Variants in POFUT3 observed in about 807,000 individuals in gnomAD.
POFUT3 encodes protein O-fucosyltransferase 3.
chr8:33,331,325 ACT>A, the POFUT3 span, among the ~76,000 whole-genome samples: 1 of 150,728 alleles, frequency 6.6e-6, no homozygotes, highest in African/African-American at 2.5e-5. Flanking sequence ...CAAGTGTGAA[ACT>A]CTGTCTCAAA....
At chr8:33,425,335 T>TA in the POFUT3 span, among the ~76,000 whole-genome samples, 1 of 151,952 alleles carries the variant, frequency 6.6e-6, no homozygotes, top group Non-Finnish European at 1.5e-5. Context: ...CCCTTTCTCT[T>TA]AAAAAAATAA....
the POFUT3 span, among the ~76,000 whole-genome samples, chr8:33,354,859 G>A: frequency 6.6e-6 from 1 of 152,102 alleles, no homozygotes; most frequent in African/African-American, 2.4e-5. Flanking sequence ...AGGGCATGGG[G>A]GATGACATCA....
At chr8:33,381,063 G>A in the POFUT3 span, among the ~76,000 whole-genome samples, 1 of 152,058 alleles carries the variant, frequency 6.6e-6, no homozygotes, top group Non-Finnish European at 1.5e-5. Flanking sequence ...CTTGAGCCCA[G>A]GAAGTGGAAG....
the POFUT3 span, among the ~76,000 whole-genome samples, chr8:33,412,090 AAATAAC>A: frequency 2.0e-5 from 3 of 152,234 alleles, no homozygotes; most frequent in African/African-American, 7.2e-5. Context: ...AACACTGATT[AAATAAC>A]AAGGCTGTGT....
the POFUT3 span, among the ~76,000 whole-genome samples, chr8:33,424,600 C>T: frequency 1.3e-5 from 2 of 152,198 alleles, no homozygotes; most frequent in Non-Finnish European, 2.9e-5. Flanking sequence ...GGACTGTGTA[C>T]CACTCACAGC....
At chr8:33,465,698 C>T in the POFUT3 span, among the ~76,000 whole-genome samples, 3 of 152,128 alleles carry the variant, frequency 2.0e-5, no homozygotes, top group East Asian at 5.8e-4. Flanking sequence ...CCTGAATTAT[C>T]TTGAACACCT....
chr8:33,325,807 G>T, the POFUT3 span, among the ~76,000 whole-genome samples: 1 of 152,160 alleles, frequency 6.6e-6, no homozygotes, highest in Admixed American at 6.5e-5. Flanking sequence ...GTCTATTGTG[G>T]CTTCCAGTTA....
At chr8:33,328,314 A>G in the POFUT3 span, among the ~76,000 whole-genome samples, 1 of 152,164 alleles carries the variant, frequency 6.6e-6, no homozygotes, top group East Asian at 1.9e-4. Context: ...GGAGTGGTTG[A>G]AACCTGAGAT....
the POFUT3 span, among the ~76,000 whole-genome samples, chr8:33,417,068 C>T: frequency 4.6e-5 from 7 of 152,084 alleles, no homozygotes; most frequent in Admixed American, 2.0e-4. Context: ...TACAGCCACT[C>T]CCCAGCGCTG....
the POFUT3 span, among the ~76,000 whole-genome samples, chr8:33,320,002 G>T: frequency 6.6e-6 from 1 of 151,164 alleles, no homozygotes; most frequent in East Asian, 1.9e-4. Flanking sequence ...CACTGGAATA[G>T]ACTATACCAT....
the POFUT3 span, among the ~76,000 whole-genome samples, chr8:33,396,119 G>A: frequency 6.6e-6 from 1 of 152,102 alleles, no homozygotes; most frequent in East Asian, 1.9e-4. Flanking sequence ...ACAATAACCT[G>A]GGAGTGCTGG....
the POFUT3 span, among the ~76,000 whole-genome samples, chr8:33,420,269 T>C: frequency 6.6e-6 from 1 of 152,194 alleles, no homozygotes; most frequent in African/African-American, 2.4e-5. Context: ...GAGAGAATTA[T>C]TAGTTTTAGA....
the POFUT3 span, among the ~76,000 whole-genome samples, chr8:33,360,279 C>A: frequency 6.6e-6 from 1 of 151,850 alleles, no homozygotes; most frequent in Non-Finnish European, 1.5e-5. Context: ...CCCATCTCTG[C>A]TAAAAATACA....
chr8:33,432,379 C>G, the POFUT3 span, among the ~76,000 whole-genome samples: 2 of 150,624 alleles, frequency 1.3e-5, no homozygotes. Context: ...TGCACTCCAA[C>G]CTGGGCAATA....
chr8:33,397,583 G>A, the POFUT3 span, among the ~76,000 whole-genome samples: 2 of 152,168 alleles, frequency 1.3e-5, no homozygotes, highest in Admixed American at 1.3e-4. Flanking sequence ...TTAAGGGGTT[G>A]GCAAAGTCAG....
At chr8:33,398,834 G>A in the POFUT3 span, among the ~76,000 whole-genome samples, 1 of 152,176 alleles carries the variant, frequency 6.6e-6, no homozygotes, top group South Asian at 2.1e-4. Flanking sequence ...TGAGTACAAA[G>A]GAAAAGATAA....
the POFUT3 span, among the ~76,000 whole-genome samples, chr8:33,338,100 C>T: frequency 6.6e-6 from 1 of 152,120 alleles, no homozygotes. Flanking sequence ...TTAGGGCCAC[C>T]CCTAAAATCT....
chr8:33,438,545 C>G, the POFUT3 span, among the ~76,000 whole-genome samples: 2 of 152,188 alleles, frequency 1.3e-5, no homozygotes, highest in East Asian at 3.9e-4. Context: ...TTGTTTGCAC[C>G]ATTGCACTCC....
the POFUT3 span, among the ~76,000 whole-genome samples, chr8:33,357,459 G>C: frequency 1.3e-5 from 2 of 151,416 alleles, no homozygotes; most frequent in Non-Finnish European, 2.9e-5. Context: ...TGGTACATTA[G>C]AAGACCCCAT....
Sources: allele counts gnomAD v4.1 joint callset (sites outside exome capture counted in the v4.1 genomes callset), GRCh38; gene constraint gnomAD v4.1.1; transcripts MANE v1.5; gene names NCBI Gene and HGNC (gene_info 2026-07-23, HGNC 2026-07-21).